THADA: variants seen among roughly 807,000 people sequenced by gnomAD.
THADA encodes the protein tRNA (32-2'-O)-methyltransferase regulator THADA.
A neutral mutation model predicts 219.8 loss-of-function variants in THADA; 213 were observed. The observed-to-expected ratio is 0.97, with a 90% CI of 0.87 to 1.09. The LOEUF is 1.09. THADA is among the 50% of genes least tolerant of loss of function. THADA has a pLI of 0.00. For missense variants in THADA, 2,956 were observed against 2,311.3 expected (o/e 1.28, Z -5.72); for synonymous variants, 1,018 against 828.9 (o/e 1.23, Z -3.92).
At position 43,541,201 on chromosome 2, in the gene THADA, C is replaced by G. The variant is rs899363165; in HGVS notation, c.3222G>C (p.Gln1074His). 2 of 1,607,204 alleles carry G rather than the reference C, an allele frequency of 1.2e-6. No individual in the cohort carries two copies. The highest frequency in any genetic ancestry group is 2.7e-5 in the African/African-American group (2 of 74,414). Residue 1074 changes from glutamine (Q) to histidine (H), a missense_variant, in exon 21 of 38, where the codon CAG becomes CAC. Gln to His is a conservative substitution (Grantham distance 24). Transcript: ENST00000405975. ...LGMLCQLLPM[Q>H]PVPESSDGLL... ...ATCCATCAGAAGATTCTGGCACAGG[C>G]TGCATGGGCAGAAGCTGGCACAACA...
chr2:43,436,740 A>G (rs934970605), intron 26 of THADA, among the ~76,000 whole-genome samples: 2 of 152,168 alleles, frequency 1.3e-5, no homozygotes, highest in African/African-American at 4.8e-5. Context: ...TTACCAGCTG[A>G]TTGTTCAATG....
chr2:43,367,129 T>G (rs148785165), intron 29 of THADA, among the ~76,000 whole-genome samples: 110 of 152,206 alleles, frequency 7.2e-4, no homozygotes, highest in African/African-American at 2.6e-3. Context: ...ACCAAAGTAG[T>G]CAAACTCACA....
intron 24 of THADA, among the ~76,000 whole-genome samples, chr2:43,503,233 C>G (rs1689247851): frequency 6.6e-6 from 1 of 152,172 alleles, no homozygotes; most frequent in African/African-American, 2.4e-5. Context: ...GAGAAACACT[C>G]ACGTGTGTAA....
intron 36 of THADA, among the ~76,000 whole-genome samples, chr2:43,277,582 C>T (rs576725210): frequency 6.6e-6 from 1 of 152,352 alleles, no homozygotes; most frequent in East Asian, 1.9e-4. Context: ...GCTCTGTCTG[C>T]ATCCATCCCT....
intron 36 of THADA, among the ~76,000 whole-genome samples, chr2:43,279,563 T>C (rs913444275): frequency 6.6e-6 from 1 of 152,256 alleles, no homozygotes; most frequent in Non-Finnish European, 1.5e-5. Flanking sequence ...AAGCTGCCTA[T>C]TTTTGTAAGC....
At chr2:43,548,184 T>G (rs1199723712) in intron 20 of THADA, among the ~76,000 whole-genome samples, 1 of 152,148 alleles carries the variant, frequency 6.6e-6, no homozygotes, top group Non-Finnish European at 1.5e-5. Flanking sequence ...ACAGCGGATT[T>G]TTGTGAACCG....
intron 34 of THADA, among the ~76,000 whole-genome samples, chr2:43,290,361 C>A (rs2104359438): frequency 6.6e-6 from 1 of 151,294 alleles, no homozygotes; most frequent in Admixed American, 6.6e-5. Context: ...TTTCTGGGGG[C>A]TTTTTTAGCT....
intron 25 of THADA, among the ~76,000 whole-genome samples, chr2:43,495,723 A>G (rs1688192763): frequency 6.6e-6 from 1 of 152,182 alleles, no homozygotes; most frequent in African/African-American, 2.4e-5. Flanking sequence ...CACGGAAAAT[A>G]TTTCTTGGTT....
intron 35 of THADA, among the ~76,000 whole-genome samples, chr2:43,282,803 T>C (rs372349320): frequency 1.3e-5 from 2 of 152,280 alleles, no homozygotes; most frequent in African/African-American, 4.8e-5. Flanking sequence ...GGTTTTCTTA[T>C]ACATCATTGA....
At chr2:43,351,666 CAG>C (rs1431169346) in intron 29 of THADA, among the ~76,000 whole-genome samples, 4 of 152,148 alleles carry the variant, frequency 2.6e-5, no homozygotes, top group Non-Finnish European at 5.9e-5. Flanking sequence ...GGGCTGAAAA[CAG>C]AGGATTCATT....
chr2:43,239,905 A>G (rs1668439479), intron 36 of THADA, among the ~76,000 whole-genome samples: 1 of 152,202 alleles, frequency 6.6e-6, no homozygotes, highest in South Asian at 2.1e-4. Flanking sequence ...TCTACCCACA[A>G]GTATTTATTG....
rs1558893164 is a variant in THADA at position 43,515,359 on chromosome 2, A to ATAATATTTT, written c.3375-6580_3375-6579insAAAATATTA. 1.2e-3 allele frequency among the ~76,000 whole-genome samples: 52 copies of ATAATATTTT among 43,522 alleles called. 1 individual carries two copies. The East Asian group carries it at 0.023, about 19-fold the overall frequency. 28.6% of individuals were successfully genotyped at this position (43,522 alleles called of 152,430 possible). A position where few individuals can be genotyped will look rare whatever the true frequency, so the allele number is the denominator to read the frequency against. ...ATATAATATATAATATTTTATATAT[A>ATAATATTTT]ATATATAATATATAATATATAATAT... is the stretch of plus-strand genomic sequence containing the variant. On this transcript the variant is annotated intron_variant, in intron 22 of 37. Coordinates refer to ENST00000405975, the MANE Select transcript of THADA (RefSeq NM_022065.5).
intron 22 of THADA, among the ~76,000 whole-genome samples, chr2:43,525,646 C>A (rs561841540): frequency 1.3e-5 from 2 of 152,322 alleles, no homozygotes; most frequent in South Asian, 4.1e-4. Context: ...TCCCTTGTGA[C>A]CAGTTCATCT....
At position 43,412,009 on chromosome 2, in the gene THADA, C is replaced by T. The variant is rs117280343; in HGVS notation, c.4059-13870G>A. On this transcript the variant is annotated intron_variant, in intron 28 of 37. Coordinates refer to ENST00000405975, the MANE Select transcript of THADA (RefSeq NM_022065.5). ...CCAGGTGATGAGATTTTAGCTGTGG[C>T]ACAGTTTGAGACATTAATTAGAAGA... Among the ~76,000 whole-genome samples, 13 of 152,258 alleles carry T rather than the reference C, an allele frequency of 8.5e-5. No individual in the cohort carries two copies. In the East Asian group the frequency reaches 2.3e-3, roughly 27 times the overall value.
chr2:43,282,172 C>T (rs1375536637), intron 35 of THADA, among the ~76,000 whole-genome samples: 1 of 152,178 alleles, frequency 6.6e-6, no homozygotes, highest in African/African-American at 2.4e-5. Flanking sequence ...GTTAAAGTCA[C>T]CCAGAAAATG....
intron 22 of THADA, among the ~76,000 whole-genome samples, chr2:43,510,881 G>C (rs1558880824): frequency 6.6e-6 from 1 of 151,548 alleles, no homozygotes; most frequent in Non-Finnish European, 1.5e-5. Flanking sequence ...TGAAGCAGGA[G>C]AATCGCTTGA....
At chr2:43,494,083 A>G (rs1000866898) in intron 25 of THADA, among the ~76,000 whole-genome samples, 4 of 152,216 alleles carry the variant, frequency 2.6e-5, no homozygotes, top group Admixed American at 6.5e-5. Context: ...GAGATGCCAC[A>G]TCACTGGACA....
At chr2:43,322,066 C>T (rs992016687) in intron 30 of THADA, among the ~76,000 whole-genome samples, 27 of 151,986 alleles carry the variant, frequency 1.8e-4, no homozygotes, top group Admixed American at 7.9e-4. Context: ...GACAGAGTCT[C>T]GCTCTGTCCC....
intron 29 of THADA, among the ~76,000 whole-genome samples, chr2:43,389,269 A>G (rs1673066781): frequency 6.6e-6 from 1 of 152,222 alleles, no homozygotes. Context: ...GCTTTTGTGT[A>G]CTTATTAACT....
Sources: allele counts gnomAD v4.1 joint callset (sites outside exome capture counted in the v4.1 genomes callset), GRCh38; gene constraint gnomAD v4.1.1; transcripts MANE v1.5; gene names NCBI Gene and HGNC (gene_info 2026-07-23, HGNC 2026-07-21).